The following PTPRD variants were observed in gnomAD, a reference collection of about 807,000 sequenced individuals.
The protein encoded by PTPRD is protein tyrosine phosphatase receptor type D, also known as receptor-type tyrosine-protein phosphatase delta.
A neutral mutation model predicts 214.5 loss-of-function variants in PTPRD; 34 were observed. The observed-to-expected ratio is 0.16, with a 90% CI of 0.12 to 0.21. PTPRD has a LOEUF of 0.21. Among genes scored for constraint, PTPRD ranks in the 10% least tolerant of loss-of-function variants. The pLI is 1.00. For synonymous variants in PTPRD, 1,128 were observed against 845.7 expected (o/e 1.33, Z -5.79); for missense variants, 2,545 against 2,398.7 (o/e 1.06, Z -1.27).
At chr9:8,989,624 C>T (rs958161683) in intron 11 of PTPRD, among the ~76,000 whole-genome samples, 5 of 151,962 alleles carry the variant, frequency 3.3e-5, no homozygotes, top group African/African-American at 9.7e-5. Context: ...CACTGAATCT[C>T]GGTTTTTTCA....
intron 4 of PTPRD, among the ~76,000 whole-genome samples, chr9:9,953,545 G>A (rs1431137736): frequency 3.3e-5 from 5 of 150,828 alleles, no homozygotes; most frequent in Admixed American, 2.6e-4. Context: ...CTCACTTTTG[G>A]TTTTGTTTCT....
At chr9:8,798,824 T>C (rs1395217121) in intron 11 of PTPRD, among the ~76,000 whole-genome samples, 1 of 152,146 alleles carries the variant, frequency 6.6e-6, no homozygotes, top group Non-Finnish European at 1.5e-5. Context: ...GACTTCTCAT[T>C]GATATAAATT....
chr9:8,825,051 T>C (rs2097148342), intron 11 of PTPRD, among the ~76,000 whole-genome samples: 1 of 152,208 alleles, frequency 6.6e-6, no homozygotes, highest in Non-Finnish European at 1.5e-5. Context: ...GAAGGAATTT[T>C]AGATAAGACT....
chr9:9,498,363 G>A (rs768821772), intron 8 of PTPRD, among the ~76,000 whole-genome samples: 109 of 152,094 alleles, frequency 7.2e-4, no homozygotes, highest in African/African-American at 2.5e-3. Context: ...CTAAAGATCC[G>A]GAAAGATAAA....
At chr9:10,364,858 C>A (rs2097483719) in intron 2 of PTPRD, among the ~76,000 whole-genome samples, 1 of 152,168 alleles carries the variant, frequency 6.6e-6, no homozygotes, top group East Asian at 1.9e-4. Context: ...TTCAGAATTA[C>A]ATTTCCAATT....
chr9:8,934,506 A>AATTTATATATATATTT (rs1567101538), intron 11 of PTPRD, among the ~76,000 whole-genome samples: 12 of 10,410 alleles, frequency 1.2e-3, no homozygotes, highest in African/African-American at 3.3e-3. Context: ...TATATATATA[A>AATTTATATATATATTT]ATATATATAT....
intron 8 of PTPRD, among the ~76,000 whole-genome samples, chr9:9,514,160 T>A (rs1057143246): frequency 6.6e-6 from 1 of 152,060 alleles, no homozygotes; most frequent in Non-Finnish European, 1.5e-5. Flanking sequence ...GAAACAGACA[T>A]GCAATTTTTA....
intron 3 of PTPRD, among the ~76,000 whole-genome samples, chr9:10,337,270 T>TA (rs2096859969): frequency 2.6e-5 from 4 of 151,748 alleles, no homozygotes. Context: ...CATTTTATAA[T>TA]AAATTCCAAA....
chr9:9,519,296 A>T (rs1040792615), intron 8 of PTPRD, among the ~76,000 whole-genome samples: 4 of 151,884 alleles, frequency 2.6e-5, no homozygotes, highest in Non-Finnish European at 4.4e-5. Flanking sequence ...AACAGGAAAA[A>T]AAAATCAGTG....
rs77338927 is a variant in PTPRD, at chr9:9,123,102, G to A, written c.-143+60202C>T. ...ACCGAAGCAGGACTGCTCTGTTTGT[G>A]CAGCAGAATCCTCCATTTTTGGTGG... On this transcript the variant is annotated intron_variant, in intron 10 of 45. Coordinates refer to ENST00000381196, the MANE Select transcript of PTPRD (RefSeq NM_002839.4). Among the ~76,000 whole-genome samples, 296 of 152,280 alleles carry A rather than the reference G, an allele frequency of 1.9e-3. 1 individual carries two copies. Among genetic ancestry groups the A allele is most frequent in the African/African-American group, 6.7e-3 (280 of 41,552 alleles).
intron 5 of PTPRD, among the ~76,000 whole-genome samples, chr9:9,775,208 A>G (rs928177575): frequency 6.6e-6 from 1 of 152,188 alleles, no homozygotes; most frequent in Non-Finnish European, 1.5e-5. Flanking sequence ...TTTAATTTTA[A>G]CCACAGAGAA....
At chr9:10,325,268 C>T (rs2096622856) in intron 3 of PTPRD, among the ~76,000 whole-genome samples, 1 of 151,918 alleles carries the variant, frequency 6.6e-6, no homozygotes, top group Non-Finnish European at 1.5e-5. Flanking sequence ...TATTGTTATG[C>T]TGGCCACATG....
At chr9:9,461,749 C>A (rs1209315585) in intron 8 of PTPRD, among the ~76,000 whole-genome samples, 1 of 152,020 alleles carries the variant, frequency 6.6e-6, no homozygotes, top group Non-Finnish European at 1.5e-5. Context: ...ATTGAGGCAG[C>A]AATAATCCAG....
chr9:9,744,273 T>G (rs1037315148), intron 6 of PTPRD, among the ~76,000 whole-genome samples: 13 of 152,144 alleles, frequency 8.5e-5, no homozygotes, highest in Admixed American at 7.2e-4. Flanking sequence ...ACCTTTCCTT[T>G]GGAGGGAAAT....
chr9:8,953,996 T>C (rs988592555), intron 11 of PTPRD, among the ~76,000 whole-genome samples: 1 of 151,970 alleles, frequency 6.6e-6, no homozygotes, highest in African/African-American at 2.4e-5. Context: ...TTACTAGTTA[T>C]ATACCCAAAG....
At chr9:9,895,275 T>C (rs2074629388) in intron 5 of PTPRD, among the ~76,000 whole-genome samples, 1 of 148,982 alleles carries the variant, frequency 6.7e-6, no homozygotes, top group African/African-American at 2.6e-5. Context: ...GAACAGAAAA[T>C]AAAATATAAA....
chr9:9,024,334 C>CTTAGTTTTT (rs1169168298), intron 10 of PTPRD, among the ~76,000 whole-genome samples: 4 of 72,754 alleles, frequency 5.5e-5, no homozygotes, highest in African/African-American at 1.9e-4. Flanking sequence ...ATTGTCGATT[C>CTTAGTTTTT]TTTGTTTTTT....
intron 11 of PTPRD, among the ~76,000 whole-genome samples, chr9:8,735,084 G>C (rs1161345336): frequency 6.6e-6 from 1 of 151,888 alleles, no homozygotes; most frequent in African/African-American, 2.4e-5. Flanking sequence ...CAGAGTTCGT[G>C]GGTCAGTAGG....
chr9:8,370,201 T>TACAC (rs1176993679), intron 39 of PTPRD, among the ~76,000 whole-genome samples: 1 of 41,402 alleles, frequency 2.4e-5, no homozygotes, highest in African/African-American at 6.5e-5. Context: ...ACTGCACATA[T>TACAC]ATATATACAC....
Sources: allele counts gnomAD v4.1 joint callset (sites outside exome capture counted in the v4.1 genomes callset), GRCh38; gene constraint gnomAD v4.1.1; transcripts MANE v1.5; gene names NCBI Gene and HGNC (gene_info 2026-07-23, HGNC 2026-07-21).